Variants in TANC1 observed in about 807,000 individuals in gnomAD.
TANC1 encodes tetratricopeptide repeat, ankyrin repeat and coiled-coil containing 1.
In TANC1, 77 loss-of-function variants were observed where a neutral mutation model predicts 149.7. That is an observed-to-expected ratio of 0.51 (90% CI 0.43 to 0.62). TANC1 has a LOEUF of 0.62. TANC1 is among the 20% of genes least tolerant of loss of function. TANC1 has a pLI of 0.00. For missense variants in TANC1, 1,985 were observed against 2,321.8 expected, an observed-to-expected ratio of 0.85 and a Z score of 2.98; for synonymous variants, 854 against 925.0, an observed-to-expected ratio of 0.92 and a Z score of 1.39.
At chr2:159,222,082 A>G (rs536398681) in intron 22 of TANC1, among the ~76,000 whole-genome samples, 1 of 152,304 alleles carries the variant, frequency 6.6e-6, no homozygotes, top group African/African-American at 2.4e-5. Context: ...AATGGTATAA[A>G]CTTCAGTACC....
At chr2:159,147,152 T>G (rs1024935477) in intron 5 of TANC1, among the ~76,000 whole-genome samples, 1 of 152,156 alleles carries the variant, frequency 6.6e-6, no homozygotes, top group African/African-American at 2.4e-5. Context: ...CTGCTCTCTC[T>G]GCCTCCACGG....
At position 159,230,209 on chromosome 2, in the gene TANC1, G is replaced by A. The variant is rs1302042357; in HGVS notation, c.4783G>A (p.Gly1595Ser). ...TGTFTTRAGC[G>S]HFGDRLGPSQ... ...TACTTTCACTACAAGAGCTGGTTGT[G>A]GCCACTTTGGGGATCGGCTGGGCCC... Residue 1595 changes from glycine (G) to serine (S), a missense_variant, in exon 27 of 27, where the codon GGC (glycine) becomes AGC (serine). Gly to Ser is a moderately conservative substitution (Grantham distance 56). Transcript: ENST00000263635. This position sits in a 1 kb window ranked among gnomAD's most constrained non-coding sequence, Gnocchi z 4.4. 1.9e-6 allele frequency: 3 copies of A among 1,613,994 alleles called. No individual in the cohort carries two copies. Among genetic ancestry groups the A allele is most frequent in the Non-Finnish European group, 8.5e-7 (1 of 1,180,022 alleles).
intron 2 of TANC1, among the ~76,000 whole-genome samples, chr2:159,046,589 CTTTTTTTTTTT>C (rs57208685): frequency 0.33 from 27,514 of 84,470 alleles, 3,604 homozygotes; most frequent in Middle Eastern, 0.42. Flanking sequence ...CTTTTCTTTA[CTTTTTTTTTTT>C]TTTTTTTTTT....
chr2:159,145,144 G>T (rs960682586), intron 5 of TANC1, among the ~76,000 whole-genome samples: 3 of 152,188 alleles, frequency 2.0e-5, no homozygotes, highest in Admixed American at 2.0e-4. Context: ...AAGCAGTAAG[G>T]TGCAGGCCAA....
intron 7 of TANC1, among the ~76,000 whole-genome samples, chr2:159,152,640 C>T (rs2052970698): frequency 6.6e-6 from 1 of 152,052 alleles, no homozygotes; most frequent in Non-Finnish European, 1.5e-5. Context: ...CAGGCATGTG[C>T]CACCACACTT....
chr2:159,044,962 G>T (rs2040929170), intron 2 of TANC1, among the ~76,000 whole-genome samples: 1 of 152,214 alleles, frequency 6.6e-6, no homozygotes, highest in Non-Finnish European at 1.5e-5. Flanking sequence ...AACTTTGCGG[G>T]ATCCTGCCAA....
At chr2:159,083,169 G>A (rs1462309978) in intron 3 of TANC1, among the ~76,000 whole-genome samples, 1 of 151,944 alleles carries the variant, frequency 6.6e-6, no homozygotes, top group Non-Finnish European at 1.5e-5. Context: ...CCGCCAGGCT[G>A]GTCTTGAACT....
At chr2:158,970,543 C>T (rs2032711654) in intron 1 of TANC1, among the ~76,000 whole-genome samples, 1 of 152,128 alleles carries the variant, frequency 6.6e-6, no homozygotes, top group South Asian at 2.1e-4. Context: ...TAGAGTATGC[C>T]AGTTTCTGCA....
rs550824483 is a variant in TANC1, at chr2:159,166,258, G to A, written c.946+2712G>A. Among the ~76,000 whole-genome samples, 10 of 152,284 alleles carry A rather than the reference G, an allele frequency of 6.6e-5. No homozygotes were observed. In the South Asian group the frequency reaches 2.1e-3, roughly 32 times the overall value. ...CTGTGTTTAATTTTCCAGGAAACAA[G>A]CATGATTGCTATCCAGTTTTCCTAA... On this transcript the variant is annotated intron_variant, in intron 8 of 26. Transcript: ENST00000263635.
At chr2:158,972,666 C>A (rs2033072983) in intron 1 of TANC1, among the ~76,000 whole-genome samples, 1 of 152,184 alleles carries the variant, frequency 6.6e-6, no homozygotes, top group South Asian at 2.1e-4. Flanking sequence ...AACTTATTCT[C>A]AGAGGAATGT....
chr2:159,163,514 C>T lies in TANC1; in HGVS notation c.914C>T (p.Ser305Leu), dbSNP rs377385839. 5 of 1,612,876 alleles carry T rather than the reference C, an allele frequency of 3.1e-6. No homozygotes were observed. The African/African-American group carries it at 5.3e-5, about 17-fold the overall frequency. The change falls in exon 8 of 27, where the codon TCA becomes TTA. Residue 305 changes from serine to leucine, a missense_variant. Ser to Leu is a moderately radical substitution (Grantham distance 145). This residue lies in a region of TANC1 where 557 missense variants were observed against 612.9 expected (regional missense o/e 0.91). Transcript: ENST00000263635. The part of the protein sequence containing the change: ...GPVPYSQGSS[S>L]LIMPRPNSVA... ...GTCCCTTATTCTCAGGGCTCCAGCT[C>T]ACTAATAATGCCACGGCCCAACTCA...
rs146460089 is a variant in TANC1, at chr2:159,052,040, T to TG, written c.-15-13851dup. On this transcript the variant is annotated intron_variant, in intron 2 of 26. Transcript: ENST00000263635. The stretch of plus-strand genomic sequence containing the variant: ...AATGGCCTGTGACTGTATGAGGCAG[T>TG]GGGGGCGGGAGAGGCCAAGCCTTGG... Among the ~76,000 whole-genome samples the TG allele has an allele frequency of 2.8e-3, 431 of 152,214 alleles. 1 individual carries two copies. The highest frequency in any genetic ancestry group is 9.7e-3 in the African/African-American group (401 of 41,532).
chr2:159,219,504 C>T, intron 21 of TANC1, 143 bp downstream of exon 21: 1 of 1,306,528 alleles, frequency 7.7e-7, no homozygotes. Context: ...ATAGGCAACA[C>T]AGCCACATGC....
At chr2:159,185,012 GTTT>G (rs2056842510) in intron 14 of TANC1, among the ~76,000 whole-genome samples, 2 of 152,188 alleles carry the variant, frequency 1.3e-5, no homozygotes. Flanking sequence ...AGGAGGATGC[GTTT>G]TAAAACATAT....
chr2:159,090,495 G>A (rs1227854413), intron 3 of TANC1, among the ~76,000 whole-genome samples: 8 of 152,164 alleles, frequency 5.3e-5, no homozygotes, highest in Non-Finnish European at 1.2e-4. Context: ...AAACAGCCTC[G>A]CTCGGCAGGG....
In TANC1 at chr2:159,065,850, A is replaced by G. The variant is rs1022824862; in HGVS notation, c.-15-46A>G. 1.1e-4 allele frequency: 170 copies of G among 1,513,690 alleles called. 2 individuals are homozygous for G. In the Admixed American group the frequency reaches 2.5e-3, roughly 23 times the overall value. The allele number at this position is 1,513,690 out of a possible 1,614,324, so 93.8% of individuals were successfully genotyped here. A position where few individuals can be genotyped will look rare whatever the true frequency, so the allele number is the denominator to read the frequency against. On this transcript the variant is annotated intron_variant, in intron 2 of 26. Transcript: ENST00000263635. ...TTGTCAAGACACAAGTTATATTCCAACTTTCAATGTTTAATTCCTCTTCTC... is the reference window on the plus strand; with the variant it reads ...TTGTCAAGACACAAGTTATATTCCAGCTTTCAATGTTTAATTCCTCTTCTC...
chr2:159,141,102 A>G (rs1173250808), intron 5 of TANC1, among the ~76,000 whole-genome samples: 1 of 152,240 alleles, frequency 6.6e-6, no homozygotes, highest in East Asian at 1.9e-4. Context: ...TGAGTGGTTG[A>G]TAAACAACAG....
intron 1 of TANC1, among the ~76,000 whole-genome samples, chr2:158,983,444 G>A (rs1455375616): frequency 1.5e-4 from 19 of 130,902 alleles, no homozygotes; most frequent in Admixed American, 3.6e-4. Flanking sequence ...TCCAGCCTGG[G>A]AGACAGAGCA....
chr2:158,987,272 T>C (rs1253329061), intron 1 of TANC1, among the ~76,000 whole-genome samples: 1 of 147,088 alleles, frequency 6.8e-6, no homozygotes, highest in Non-Finnish European at 1.5e-5. Flanking sequence ...ATGCCTGTGA[T>C]CCCAGCAGTT....
Sources: gnomAD v4.1 joint callset for allele counts (sites outside exome capture counted in the v4.1 genomes callset) on GRCh38, gnomAD v4.1.1 for gene constraint, gnomAD v4.1.1 regional missense constraint, Gnocchi (gnomAD v3.1) non-coding constraint, MANE v1.5 for transcripts, NCBI Gene and HGNC (gene_info 2026-07-23, HGNC 2026-07-21) for gene names.